The following PRKAR1A variants were observed in gnomAD, a reference collection of about 807,000 sequenced individuals.
The protein encoded by PRKAR1A is cAMP-dependent protein kinase type I-alpha regulatory subunit.
PRKAR1A carries 3 observed loss-of-function variants against 52.0 expected under a neutral mutation model. The ratio of observed to expected loss-of-function variants is 0.06; its 90% confidence interval spans 0.03 to 0.15. PRKAR1A has a LOEUF of 0.15. Ranked by LOEUF, PRKAR1A falls within the 10% of genes least tolerant of loss-of-function variation. The probability of loss-of-function intolerance (pLI) is 1.00; values close to 1 mark genes in which losing one functional copy is unlikely to be tolerated. For synonymous variants in PRKAR1A, 188 were observed against 168.4 expected, an observed-to-expected ratio of 1.12 and a Z score of -0.90; for missense variants, 240 against 477.4, an observed-to-expected ratio of 0.50 and a Z score of 4.63.
the PRKAR1A span, among the ~76,000 whole-genome samples, chr17:68,470,991 A>C: frequency 6.6e-6 from 1 of 152,242 alleles, no homozygotes; most frequent in African/African-American, 2.4e-5. Flanking sequence ...CTCAGAAACA[A>C]TGAAGAGTTC....
At chr17:68,425,382 CTTTTTTTT>C in the PRKAR1A span, among the ~76,000 whole-genome samples, 12 of 132,294 alleles carry the variant, frequency 9.1e-5, no homozygotes, top group African/African-American at 3.1e-4. Context: ...TTTTTCTTTT[CTTTTTTTT>C]TTTTTTTTTT....
chr17:68,462,795 C>A, the PRKAR1A span, among the ~76,000 whole-genome samples: 1 of 152,120 alleles, frequency 6.6e-6, no homozygotes, highest in African/African-American at 2.4e-5. Context: ...GACAGAGGAG[C>A]AAGGGGTGAA....
At position 68,547,415 on chromosome 17, in the gene PRKAR1A, G is replaced by A. The variant is rs895700995; in HGVS notation, c.974-3669G>A. Among the ~76,000 whole-genome samples the A allele has an allele frequency of 2.0e-5, 3 of 152,088 alleles. No individual in the cohort carries two copies. In the South Asian group the frequency reaches 6.2e-4, roughly 32 times the overall value. Reference sequence around the variant, plus strand: ...TCTAGCTATGGGGAAAGTCCCAGATGGTATCTTCTTCCAATAGAAGGCTGT... The same window carrying A: ...TCTAGCTATGGGGAAAGTCCCAGATAGTATCTTCTTCCAATAGAAGGCTGT... On this transcript the variant is annotated intron_variant, in intron 11 of 11. Transcript: ENST00000585981.
the PRKAR1A span, among the ~76,000 whole-genome samples, chr17:68,442,695 C>T: frequency 3.9e-5 from 6 of 152,212 alleles, no homozygotes; most frequent in Non-Finnish European, 8.8e-5. Flanking sequence ...CCCTGCCAGC[C>T]TCAAGCTCTA....
chr17:68,516,561 T>A (rs901071011), intron 2 of PRKAR1A, among the ~76,000 whole-genome samples: 1 of 152,122 alleles, frequency 6.6e-6, no homozygotes, highest in African/African-American at 2.4e-5. Flanking sequence ...ATAATTTGCT[T>A]TATTTTCCAT....
In PRKAR1A at chr17:68,533,187, CAT is replaced by C; in HGVS notation, c.*2744_*2745del. 9.5e-7 allele frequency: 1 copy of C among 1,051,434 alleles called. No homozygotes were observed. The highest frequency in any genetic ancestry group is 1.2e-6 in the Non-Finnish European group (1 of 867,074). The allele number at this position is 1,051,434 out of a possible 1,614,324, so 65.1% of individuals were successfully genotyped here. On this transcript the variant is annotated 3_prime_UTR_variant, in exon 11 of 11. Coordinates refer to ENST00000589228, the MANE Select transcript of PRKAR1A (RefSeq NM_002734.5). ...TTTATATTTTGCATATATAAAGCCT[CAT>C]ATATAAAGCCTTATTTCTGATGCTC... is the stretch of plus-strand genomic sequence containing the variant.
At chr17:68,426,123 C>A in the PRKAR1A span, 2 of 1,612,554 alleles carry the variant, frequency 1.2e-6, no homozygotes, top group Admixed American at 1.7e-5. Flanking sequence ...CCGTCGCAAA[C>A]TCATGTTCAG....
chr17:68,538,485 G>T (rs547826551), intron 11 of PRKAR1A, among the ~76,000 whole-genome samples: 7 of 152,218 alleles, frequency 4.6e-5, no homozygotes, highest in Non-Finnish European at 8.8e-5. Flanking sequence ...AATTAGCTCT[G>T]CATACTGCAG....
In PRKAR1A at chr17:68,532,914, C is replaced by A; in HGVS notation, c.*2465C>A. ...GAAAGAGCAATGTTTATTTTCAGTG[C>A]TTTTCAGTTTGTCAAAGAGTGGATC... On this transcript the variant is annotated 3_prime_UTR_variant, in exon 11 of 11. Transcript: ENST00000589228. 1 of 1,065,916 alleles carries A rather than the reference C, an allele frequency of 9.4e-7. No individual in the cohort carries two copies. The highest frequency in any genetic ancestry group is 1.1e-6 in the Non-Finnish European group (1 of 879,702). The allele number at this position is 1,065,916 out of a possible 1,614,324, so 66.0% of individuals were successfully genotyped here.
At chr17:68,537,043 T>G, downstream of PRKAR1A, 1 of 456,318 alleles carries the variant, frequency 2.2e-6, no homozygotes, top group Non-Finnish European at 4.4e-6. The surrounding 1 kb of genome is among the most constrained non-coding windows in gnomAD (Gnocchi z 4.2). Flanking sequence ...TTAGTCAGCT[T>G]GTGATAGGCC....
chr17:68,544,085 A>G (rs926319814), intron 11 of PRKAR1A, among the ~76,000 whole-genome samples: 1 of 152,350 alleles, frequency 6.6e-6, no homozygotes, highest in East Asian at 1.9e-4. Flanking sequence ...TAGCAGAACC[A>G]GAGGTAGTGC....
the PRKAR1A span, among the ~76,000 whole-genome samples, chr17:68,464,183 C>T: frequency 6.6e-6 from 1 of 152,212 alleles, no homozygotes; most frequent in Non-Finnish European, 1.5e-5. Context: ...CATATCTAAT[C>T]CTTTCTTATC....
the PRKAR1A span, among the ~76,000 whole-genome samples, chr17:68,419,017 CA>C: frequency 0.11 from 12,051 of 112,846 alleles, 1,078 homozygotes; most frequent in African/African-American, 0.27. Flanking sequence ...ATAGCAAAGC[CA>C]AAAAAAAAAA....
the PRKAR1A span, among the ~76,000 whole-genome samples, chr17:68,430,435 G>A: frequency 6.6e-6 from 1 of 152,222 alleles, no homozygotes; most frequent in Admixed American, 6.5e-5. Flanking sequence ...AGGCTTATCT[G>A]ATGACTAGTC....
chr17:68,425,382 CTTTT>C, the PRKAR1A span, among the ~76,000 whole-genome samples: 57 of 132,252 alleles, frequency 4.3e-4, no homozygotes, highest in Middle Eastern at 3.8e-3. Context: ...TTTTTCTTTT[CTTTT>C]TTTTTTTTTT....
chr17:68,491,371 C>T, the PRKAR1A span, among the ~76,000 whole-genome samples: 17 of 152,166 alleles, frequency 1.1e-4, no homozygotes, highest in African/African-American at 3.9e-4. Context: ...GGATTACAGG[C>T]GTGAGCCACC....
At chr17:68,446,137 G>A in the PRKAR1A span, among the ~76,000 whole-genome samples, 4 of 152,030 alleles carry the variant, frequency 2.6e-5, no homozygotes, top group Non-Finnish European at 5.9e-5. Flanking sequence ...AATGATGAAG[G>A]TCATCAGTGT....
At chr17:68,420,320 C>T in the PRKAR1A span, 1 of 1,614,136 alleles carries the variant, frequency 6.2e-7, no homozygotes, top group Non-Finnish European at 8.5e-7. Context: ...CCAGGCTGTG[C>T]TGCCCGAGGT....
chr17:68,426,238 C>A, the PRKAR1A span: 1 of 615,192 alleles, frequency 1.6e-6, no homozygotes, highest in South Asian at 1.9e-5. Flanking sequence ...CATGACCTGG[C>A]GGGTGGGGAG....
Sources: allele counts gnomAD v4.1 joint callset (sites outside exome capture counted in the v4.1 genomes callset), GRCh38; gene constraint gnomAD v4.1.1; non-coding constraint Gnocchi (gnomAD v3.1); transcripts MANE v1.5; gene names NCBI Gene and HGNC (gene_info 2026-07-23, HGNC 2026-07-21).